PDGFA: variants seen among roughly 807,000 people sequenced by gnomAD.
The protein encoded by PDGFA is platelet-derived growth factor subunit A.
Under a neutral mutation model 25.6 loss-of-function variants are expected in PDGFA, and 9 were observed. That is an observed-to-expected ratio of 0.35 (90% CI 0.21 to 0.61). The LOEUF is 0.61. Among genes scored for constraint, PDGFA ranks in the 20% least tolerant of loss-of-function variants. The pLI, the probability that PDGFA is intolerant of heterozygous loss-of-function variation, is 0.75. For synonymous variants in PDGFA, 133 were observed against 111.8 expected (o/e 1.19, Z -1.20); for missense variants, 242 against 272.8 (o/e 0.89, Z 0.79).
chr7:513,931 T>C (rs917781427), intron 2 of PDGFA, among the ~76,000 whole-genome samples: 1 of 152,228 alleles, frequency 6.6e-6, no homozygotes, highest in Non-Finnish European at 1.5e-5. Flanking sequence ...AGAACAGAAC[T>C]ACTCATGCAG....
At chr7:501,792 G>C (rs1427729784) in intron 4 of PDGFA, among the ~76,000 whole-genome samples, 2 of 152,154 alleles carry the variant, frequency 1.3e-5, no homozygotes, top group African/African-American at 4.8e-5. Flanking sequence ...ACGTGTGCCT[G>C]GGGGGGCTGA....
exon 6 of PDGFA, chr7:497,605 C>T (rs1194058944): frequency 1.3e-5 from 2 of 152,186 alleles, no homozygotes; most frequent in Non-Finnish European, 2.9e-5. Flanking sequence ...CAGCCACAAA[C>T]GGGCTCTGGG....
intron 5 of PDGFA, among the ~76,000 whole-genome samples, chr7:499,731 C>CCCCCA (rs1192848580): frequency 1.1e-5 from 1 of 94,550 alleles, no homozygotes; most frequent in Non-Finnish European, 2.4e-5. Flanking sequence ...CCCCCCCCCC[C>CCCCCA]CCGCTCACTC....
rs71016866 is a variant in PDGFA at position 502,768 on chromosome 7, TCACACACACACACACACACA to T, written c.454-1546_454-1527del. Among the ~76,000 whole-genome samples the T allele has an allele frequency of 3.5e-3, 444 of 126,110 alleles. 4 individuals are homozygous for T. The highest frequency in any genetic ancestry group is 0.012 in the African/African-American group (416 of 33,720). The allele number at this position is 126,110 out of a possible 152,430, so 82.7% of individuals were successfully genotyped here. A position where few individuals can be genotyped will look rare whatever the true frequency, so the allele number is the denominator to read the frequency against. On this transcript the variant is annotated intron_variant, in intron 4 of 5. Transcript: ENST00000402802. ...GGCATTCAACAAGAGAGGCAAGAAA[TCACACACACACACACACACA>T]CACACACACACACACACACACATAA...
At chr7:520,631 G>T (rs966386947), upstream of PDGFA, 2 of 152,284 alleles carry the variant, frequency 1.3e-5, no homozygotes, top group Non-Finnish European at 2.9e-5. Context: ...CACCGGTGAG[G>T]GTCCCCCGGG....
At chr7:504,130 G>A (rs1459535012) in intron 4 of PDGFA, among the ~76,000 whole-genome samples, 1 of 152,136 alleles carries the variant, frequency 6.6e-6, no homozygotes. Context: ...CAGAAACGAG[G>A]ACAAAGCCAG....
exon 6 of PDGFA, chr7:497,959 C>CAAAAAAAAAAAAAAAAAAA (rs1166606050): frequency 1.1e-4 from 6 of 56,698 alleles, no homozygotes; most frequent in East Asian, 5.7e-4. Context: ...AAAAAAAAAA[C>CAAAAAAAAAAAAAAAAAAA]AAAAAAAAAA....
intron 5 of PDGFA, 30 bp downstream of exon 5, chr7:501,086 A>G: frequency 6.2e-7 from 1 of 1,614,152 alleles, no homozygotes; most frequent in Non-Finnish European, 8.5e-7. Context: ...CTGTTCTCCA[A>G]CACCGATGCC....
In PDGFA at chr7:501,116, C is replaced by G. The variant is rs1195728909; in HGVS notation, c.580G>C (p.Asp194His). 4 of 1,614,022 alleles carry G rather than the reference C, an allele frequency of 2.5e-6. No homozygotes were observed. In the Admixed American group the frequency reaches 6.7e-5, roughly 27 times the overall value. ...GATGCCGACGAAGGCAGCCACTCACCCGTGTCCTCTTCCCGATAATCCGGA... is the reference window on the plus strand; with the variant it reads ...GATGCCGACGAAGGCAGCCACTCACGCGTGTCCTCTTCCCGATAATCCGGA... The change falls in exon 5 of 6, where the codon GAT becomes CAT. Residue 194 changes from aspartate (D) to histidine (H), a missense_variant and splice_region_variant. Around this residue, in one of 5 missense-constraint regions of PDGFA, gnomAD observed 27 missense variants for 26.0 expected, o/e 1.04. Transcript: ENST00000402802.
upstream of PDGFA, among the ~76,000 whole-genome samples, chr7:519,758 C>T (rs1783286699): frequency 6.8e-6 from 1 of 147,908 alleles, no homozygotes. Flanking sequence ...GTCGGCGCCT[C>T]CGCCGCAGCC....
chr7:502,885 C>T (rs1782411170), intron 4 of PDGFA, among the ~76,000 whole-genome samples: 1 of 151,612 alleles, frequency 6.6e-6, no homozygotes. Context: ...ACACACATAC[C>T]CTGTCATGGG....
exon 6 of PDGFA, chr7:497,938 G>GAA (rs1562481475): frequency 3.1e-4 from 4 of 12,772 alleles, no homozygotes; most frequent in South Asian, 2.4e-3. Context: ...ACTTTATGGT[G>GAA]TAAAAAAAAA....
intron 4 of PDGFA, among the ~76,000 whole-genome samples, chr7:506,689 G>T (rs941812233): frequency 6.6e-6 from 1 of 152,134 alleles, no homozygotes; most frequent in African/African-American, 2.4e-5. Context: ...GCTTGGGTCT[G>T]GGGGAGAGTC....
intron 4 of PDGFA, among the ~76,000 whole-genome samples, chr7:502,791 CACACACACACACACACACAT>C (rs1053664918): frequency 1.4e-5 from 2 of 146,502 alleles, no homozygotes; most frequent in Admixed American, 7.0e-5. Flanking sequence ...CACACACACA[CACACACACACACACACACAT>C]AATGCACATA....
intron 2 of PDGFA, among the ~76,000 whole-genome samples, chr7:516,088 G>A (rs1783084107): frequency 8.1e-6 from 1 of 123,788 alleles, no homozygotes; most frequent in Non-Finnish European, 1.6e-5. Flanking sequence ...GCGAGATTCA[G>A]GCAAGGGATT....
intron 4 of PDGFA, among the ~76,000 whole-genome samples, chr7:505,694 C>G (rs1782529005): frequency 6.6e-6 from 1 of 152,336 alleles, no homozygotes; most frequent in Middle Eastern, 3.4e-3. Context: ...ACAGCACAGA[C>G]AAGGGAAGCC....
intron 4 of PDGFA, among the ~76,000 whole-genome samples, chr7:510,214 A>G (rs1194514415): frequency 6.6e-6 from 1 of 152,096 alleles, no homozygotes; most frequent in Non-Finnish European, 1.5e-5. Flanking sequence ...TCGTCGCCAG[A>G]GCAGCAGAGC....
At position 500,117 on chromosome 7, in the gene PDGFA, G is replaced by T. The variant is rs1782260525; in HGVS notation, c.580+999C>A. On this transcript the variant is annotated intron_variant, in intron 5 of 5. Transcript: ENST00000402802. This position sits in a 1 kb window ranked among gnomAD's most constrained non-coding sequence, Gnocchi z 5.0. ...ATCCCAGAGTGGCCAGGCGCTCAGA[G>T]CTGCCCCACCGCTGCTCAGGTCGCC... Among the ~76,000 whole-genome samples the T allele has an allele frequency of 6.6e-6, 1 of 152,216 alleles. No homozygotes were observed. The highest frequency in any genetic ancestry group is 2.4e-5 in the African/African-American group (1 of 41,454).
intron 5 of PDGFA, 89 bp downstream of exon 5, chr7:501,027 T>C (rs768630633): frequency 7.9e-5 from 127 of 1,610,806 alleles, no homozygotes; most frequent in South Asian, 2.2e-5. Flanking sequence ...GCAGTAAGCG[T>C]TGCGCTCAAG....
Sources: gnomAD v4.1 joint callset for allele counts (sites outside exome capture counted in the v4.1 genomes callset) on GRCh38, gnomAD v4.1.1 for gene constraint, gnomAD v4.1.1 regional missense constraint, Gnocchi (gnomAD v3.1) non-coding constraint, MANE v1.5 for transcripts, NCBI Gene and HGNC (gene_info 2026-07-23, HGNC 2026-07-21) for gene names.